MED4: variants seen among roughly 807,000 people sequenced by gnomAD.
MED4 encodes the protein mediator of RNA polymerase II transcription subunit 4.
Under a neutral mutation model 35.0 loss-of-function variants are expected in MED4, and 21 were observed. The observed-to-expected ratio is 0.60, with a 90% CI of 0.43 to 0.86. The LOEUF (loss-of-function observed/expected upper bound fraction) is 0.86. Ranked by LOEUF, MED4 falls within the 40% of genes least tolerant of loss-of-function variation. The probability of loss-of-function intolerance (pLI) is 0.00; values close to 1 mark genes in which losing one functional copy is unlikely to be tolerated. For synonymous variants in MED4, 138 were observed against 114.0 expected (o/e 1.21, Z -1.34); for missense variants, 300 against 319.4 (o/e 0.94, Z 0.46).
chr13:48,076,656 C>G lies in MED4; in HGVS notation c.*483G>C, dbSNP rs1380110542. ...TTGAGACAATTTCCCATGCCTCCAACAGAAGCCAAGAGCCTTTACTGTCAA... is the reference window on the plus strand; with the variant it reads ...TTGAGACAATTTCCCATGCCTCCAAGAGAAGCCAAGAGCCTTTACTGTCAA... On this transcript the variant is annotated 3_prime_UTR_variant, in exon 7 of 7. Coordinates refer to ENST00000258648, the MANE Select transcript of MED4 (RefSeq NM_014166.4). 3 of 152,268 alleles carry G rather than the reference C, an allele frequency of 2.0e-5. No individual in the cohort carries two copies. The highest frequency in any genetic ancestry group is 4.1e-4 in the South Asian group (2 of 4,840). 9.4% of individuals were successfully genotyped at this position (152,268 alleles called of 1,614,324 possible). A position where few individuals can be genotyped will look rare whatever the true frequency, so the allele number is the denominator to read the frequency against.
Position 48,094,964 on chromosome 13 carries a change from C to T in MED4, c.115G>A (p.Val39Ile). ...GGCTCGCCGCATTACCTAGACAGGA[C>T]CTCCAAGTCCTCAAGCGCAGACAGC... Reference protein sequence around the residue: ...RLLSALEDLEVLSRELIEMLA... With the variant: ...RLLSALEDLEILSRELIEMLA... Residue 39 changes from valine to isoleucine, a missense_variant, in exon 1 of 7, where the codon GTC (valine) becomes ATC (isoleucine). Transcript: ENST00000258648. 6.2e-7 allele frequency: 1 copy of T among 1,603,450 alleles called. No individual in the cohort carries two copies. Among genetic ancestry groups the T allele is most frequent in the South Asian group, 1.1e-5 (1 of 91,078 alleles).
chr13:48,083,561 T>A, intron 3 of MED4, 133 bp from the exon 4 acceptor site: 1 of 625,642 alleles, frequency 1.6e-6, no homozygotes, highest in Non-Finnish European at 2.7e-6. Context: ...AATTTATTTG[T>A]AATGTTCTGA....
At chr13:48,083,602 T>C (rs1950826648) in intron 3 of MED4, among the ~76,000 whole-genome samples, 174 bp from the exon 4 acceptor site, 1 of 152,218 alleles carries the variant, frequency 6.6e-6, no homozygotes, top group Non-Finnish European at 1.5e-5. Context: ...ATTTCAGTCA[T>C]ATTTAATGAA....
chr13:48,094,817 T>G, intron 1 of MED4, 137 bp downstream of exon 1: 1 of 1,278,120 alleles, frequency 7.8e-7, no homozygotes, highest in African/African-American at 1.5e-5. Flanking sequence ...CCCACGTCCA[T>G]GACCCTCATG....
chr13:48,090,239 C>T (rs1950881156), intron 2 of MED4, 113 bp downstream of exon 2: 1 of 793,476 alleles, frequency 1.3e-6, no homozygotes, highest in Non-Finnish European at 2.0e-6. Flanking sequence ...AAGGATCCAA[C>T]ATTCCTGTTC....
At position 48,086,601 on chromosome 13, in the gene MED4, C is replaced by G. The variant is rs1056027858; in HGVS notation, c.193-149G>C. 9 of 638,766 alleles carry G rather than the reference C, an allele frequency of 1.4e-5. No individual in the cohort carries two copies. The Admixed American group carries it at 2.7e-4, about 19-fold the overall frequency. The allele number at this position is 638,766 out of a possible 1,614,324, so 39.6% of individuals were successfully genotyped here. A position where few individuals can be genotyped will look rare whatever the true frequency, so the allele number is the denominator to read the frequency against. On this transcript the variant is annotated intron_variant, in intron 2 of 6. Transcript: ENST00000258648. Reference sequence around the variant, plus strand: ...TAATTCTTGTTAAGAATAAAAAGAGCCTACCTATGATTATTTTGGGAAACA... The same window carrying G: ...TAATTCTTGTTAAGAATAAAAAGAGGCTACCTATGATTATTTTGGGAAACA...
intron 4 of MED4, 32 bp downstream of exon 4, chr13:48,083,339 T>C (rs779128536): frequency 1.3e-6 from 2 of 1,573,338 alleles, no homozygotes; most frequent in South Asian, 1.1e-5. Flanking sequence ...ACCTTAACTT[T>C]TCAGGTCATT....
rs763902922 is a variant in MED4 at position 48,083,409 on chromosome 13, G to C, written c.383C>G (p.Ala128Gly). The C allele has an allele frequency of 6.2e-7, 1 of 1,612,018 alleles. No individual in the cohort carries two copies. Among genetic ancestry groups the C allele is most frequent in the Non-Finnish European group, 8.5e-7 (1 of 1,179,274 alleles). Reference sequence around the variant, plus strand: ...TTCTATTGACTTGAGTTTCTCCTTCGCTTGGTAAACAGCTGTTGCCTAATT... The same window carrying C: ...TTCTATTGACTTGAGTTTCTCCTTCCCTTGGTAAACAGCTGTTGCCTAATT... ...EQILATAVYQ[A>G]KEKLKSIEKA... The change falls in exon 4 of 7, where the codon GCG becomes GGG. Residue 128 changes from alanine (A) to glycine (G), a missense_variant. By Grantham distance (60) the Ala-to-Gly change is moderately conservative. Coordinates refer to ENST00000258648, the MANE Select transcript of MED4 (RefSeq NM_014166.4).
chr13:48,090,486 T>C, intron 1 of MED4, 68 bp from the exon 2 acceptor site: 1 of 1,239,450 alleles, frequency 8.1e-7, no homozygotes, highest in Non-Finnish European at 1.1e-6. Context: ...GGCTACTCCC[T>C]ACAGTCCGCT....
Position 48,077,242 on chromosome 13 carries a change from C to G in MED4, c.710G>C (p.Ser237Thr), listed in dbSNP as rs560741452. 5 of 1,596,332 alleles carry G rather than the reference C, an allele frequency of 3.1e-6. No homozygotes were observed. Among genetic ancestry groups the G allele is most frequent in the Non-Finnish European group, 4.3e-6 (5 of 1,173,798 alleles). The change falls in exon 7 of 7, where the codon AGT becomes ACT. Residue 237 changes from serine (S) to threonine (T), a missense_variant. Ser to Thr is a moderately conservative substitution (Grantham distance 58). Coordinates refer to ENST00000258648, the MANE Select transcript of MED4 (RefSeq NM_014166.4). Reference sequence around the variant, plus strand: ...AGGAGGTTCCAACAAAAAGTCACTACTATGATTTGGTGGTAACATATTCAT... The same window carrying G: ...AGGAGGTTCCAACAAAAAGTCACTAGTATGATTTGGTGGTAACATATTCAT... ...MSMNMLPPNH[S>T]SDFLLEPPGH...
At chr13:48,091,378 T>C (rs2137841203) in intron 1 of MED4, among the ~76,000 whole-genome samples, 1 of 152,354 alleles carries the variant, frequency 6.6e-6, no homozygotes, top group Non-Finnish European at 1.5e-5. Flanking sequence ...TGAGAAATTA[T>C]GCAGAAGGGG....
chr13:48,091,361 G>C (rs1950888648), intron 1 of MED4, among the ~76,000 whole-genome samples: 1 of 152,160 alleles, frequency 6.6e-6, no homozygotes, highest in African/African-American at 2.4e-5. Flanking sequence ...TTGATAGATG[G>C]GACTTTTGAG....
chr13:48,084,224 C>T (rs1566118689), intron 3 of MED4, among the ~76,000 whole-genome samples: 1 of 147,016 alleles, frequency 6.8e-6, no homozygotes, highest in Admixed American at 6.9e-5. Context: ...TGTGCCATCG[C>T]ACTCTGGCCT....
chr13:48,086,482 A>T, intron 2 of MED4, 30 bp from the exon 3 acceptor site: 1 of 1,598,000 alleles, frequency 6.3e-7, no homozygotes, highest in Non-Finnish European at 8.6e-7. Flanking sequence ...TAAATCAGAC[A>T]ATAGACTACT....
In MED4 at chr13:48,095,085, C is replaced by G; in HGVS notation, c.-7G>C. On this transcript the variant is annotated 5_prime_UTR_variant, in exon 1 of 7. Coordinates refer to ENST00000258648, the MANE Select transcript of MED4 (RefSeq NM_014166.4). Reference sequence around the variant, plus strand: ...CACTCGAAGACGCAGCCATTTTCCCCAGAGTCCCGCCACCGGCGCACGCGC... The same window carrying G: ...CACTCGAAGACGCAGCCATTTTCCCGAGAGTCCCGCCACCGGCGCACGCGC... 6.2e-7 allele frequency: 1 copy of G among 1,602,080 alleles called. No homozygotes were observed. Among genetic ancestry groups the G allele is most frequent in the Non-Finnish European group, 8.5e-7 (1 of 1,179,790 alleles).
intron 3 of MED4, 134 bp from the exon 4 acceptor site, chr13:48,083,562 A>G: frequency 1.7e-6 from 1 of 601,818 alleles, no homozygotes; most frequent in Non-Finnish European, 2.9e-6. Context: ...ATTTATTTGT[A>G]ATGTTCTGAA....
chr13:48,093,449 C>A, intron 1 of MED4: 1 of 309,464 alleles, frequency 3.2e-6, no homozygotes, highest in South Asian at 2.8e-5. Flanking sequence ...AAGGTATATT[C>A]GTGATTTTTC....
chr13:48,084,490 A>G (rs1593545079), intron 3 of MED4, among the ~76,000 whole-genome samples: 3 of 152,354 alleles, frequency 2.0e-5, no homozygotes, highest in Admixed American at 2.0e-4. Flanking sequence ...GTTAGTTACT[A>G]CTATTTAAGT....
At chr13:48,080,250 A>G (rs1300072487) in intron 5 of MED4, among the ~76,000 whole-genome samples, 1 of 152,006 alleles carries the variant, frequency 6.6e-6, no homozygotes, top group African/African-American at 2.4e-5. Context: ...TAAGAAAATT[A>G]GTCAGGCGTG....
Sources: gnomAD v4.1 joint callset for allele counts (sites outside exome capture counted in the v4.1 genomes callset) on GRCh38, gnomAD v4.1.1 for gene constraint, MANE v1.5 for transcripts, NCBI Gene and HGNC (gene_info 2026-07-23, HGNC 2026-07-21) for gene names.